The following SH2D4A variants were observed in gnomAD, a reference collection of about 807,000 sequenced individuals.
The protein encoded by SH2D4A is SH2 domain-containing protein 4A.
SH2D4A carries 70 observed loss-of-function variants against 64.7 expected under a neutral mutation model. The ratio of observed to expected loss-of-function variants is 1.08; its 90% CI spans 0.89 to 1.32. SH2D4A has a LOEUF of 1.32. Among genes scored for constraint, SH2D4A ranks in the 40% most tolerant of loss-of-function variants. The pLI is 0.00. For synonymous variants in SH2D4A, 268 were observed against 200.7 expected (o/e 1.34, Z -2.83); for missense variants, 706 against 540.1 (o/e 1.31, Z -3.04).
At chr8:19,367,897 G>T (rs1266789579) in intron 7 of SH2D4A, among the ~76,000 whole-genome samples, 4 of 152,086 alleles carry the variant, frequency 2.6e-5, no homozygotes, top group Non-Finnish European at 5.9e-5. Context: ...GCAACATAGG[G>T]AGACAGTCAT....
At chr8:19,389,320 T>C (rs2053445345) in intron 8 of SH2D4A, among the ~76,000 whole-genome samples, 1 of 152,112 alleles carries the variant, frequency 6.6e-6, no homozygotes, top group South Asian at 2.1e-4. Flanking sequence ...GCAAAATGTT[T>C]ATTCTAGAGA....
At chr8:19,316,444 G>C (rs1179514070) in intron 1 of SH2D4A, among the ~76,000 whole-genome samples, 1 of 152,182 alleles carries the variant, frequency 6.6e-6, no homozygotes, top group Non-Finnish European at 1.5e-5. Flanking sequence ...TAGAGACGAA[G>C]TGGATGACTA....
Position 19,361,285 on chromosome 8 carries a change from G to A in SH2D4A, c.677G>A (p.Trp226Ter). The change falls in exon 6 of 10, where the codon TGG (tryptophan) becomes TAG (stop). Residue 226 changes from tryptophan to a stop codon, truncating the protein, a stop_gained. Coordinates refer to ENST00000265807, the MANE Select transcript of SH2D4A (RefSeq NM_022071.4). LOFTEE classifies it high-confidence loss of function. ...AGAACGAAGCAGATTTGTAAGAGCT[G>A]GAAAGAAGACTCGGAATGGCAGGCA... Reference protein sequence around the residue: ...EERTKQICKSWKEDSEWQASL... With the variant: ...EERTKQICKS 1.9e-6 allele frequency: 3 copies of A among 1,611,990 alleles called. No homozygotes were observed. The highest frequency in any genetic ancestry group is 1.3e-5 in the African/African-American group (1 of 74,780).
chr8:19,360,304 T>A (rs1199961933), intron 5 of SH2D4A, among the ~76,000 whole-genome samples: 3 of 151,836 alleles, frequency 2.0e-5, no homozygotes, highest in South Asian at 4.1e-4. Context: ...TGTTTTTTTT[T>A]TTTTTTGAAA....
intron 7 of SH2D4A, among the ~76,000 whole-genome samples, chr8:19,368,054 G>C (rs978953226): frequency 1.3e-5 from 2 of 152,074 alleles, no homozygotes; most frequent in South Asian, 2.1e-4. Context: ...GCAAGAGTAG[G>C]TAGTTTCATT....
intron 2 of SH2D4A, among the ~76,000 whole-genome samples, chr8:19,331,329 C>T (rs939207241): frequency 3.9e-5 from 6 of 152,184 alleles, no homozygotes; most frequent in African/African-American, 1.4e-4. Flanking sequence ...AAACAGGGCC[C>T]AGCACACACA....
chr8:19,317,453 T>C (rs2052108723), intron 1 of SH2D4A, among the ~76,000 whole-genome samples: 1 of 151,992 alleles, frequency 6.6e-6, no homozygotes, highest in East Asian at 1.9e-4. Context: ...ATTTGGATTC[T>C]GGTAGTTGAA....
Position 19,336,914 on chromosome 8 carries a change from C to A in SH2D4A, c.513+2057C>A, listed in dbSNP as rs2139759. On this transcript the variant is annotated intron_variant, in intron 4 of 9. Transcript: ENST00000265807. ...TATGCTTATATTTGTGCTTGAATTA[C>A]AGTACTTTTTTAGACCTTTTTTTTT... Among the ~76,000 whole-genome samples the A allele has an allele frequency of 7.5e-4, 114 of 151,854 alleles. 1 individual carries two copies. Among genetic ancestry groups the A allele is most frequent in the Non-Finnish European group, 1.2e-3 (84 of 67,990 alleles).
intron 4 of SH2D4A, among the ~76,000 whole-genome samples, chr8:19,341,687 A>T (rs2052531324): frequency 6.6e-6 from 1 of 152,048 alleles, no homozygotes; most frequent in East Asian, 1.9e-4. Flanking sequence ...TATAAAAAAC[A>T]CAAAAATTAG....
intron 4 of SH2D4A, among the ~76,000 whole-genome samples, chr8:19,353,453 C>T (rs1224056228): frequency 6.6e-6 from 1 of 150,564 alleles, no homozygotes; most frequent in Non-Finnish European, 1.5e-5. Context: ...ACTGCATCCT[C>T]TGCCTCCTGG....
intron 4 of SH2D4A, among the ~76,000 whole-genome samples, chr8:19,340,831 C>T (rs745779424): frequency 1.3e-5 from 2 of 152,028 alleles, no homozygotes; most frequent in Middle Eastern, 3.4e-3. Flanking sequence ...CTCCTGGGCT[C>T]GAGTGATCCT....
At chr8:19,372,566 C>T (rs578162236) in intron 7 of SH2D4A, among the ~76,000 whole-genome samples, 6 of 152,268 alleles carry the variant, frequency 3.9e-5, no homozygotes, top group African/African-American at 7.2e-5. Context: ...CTCAGATAGA[C>T]GCTTGTCTCC....
intron 7 of SH2D4A, among the ~76,000 whole-genome samples, chr8:19,370,253 A>T (rs9987252): frequency 2.0e-5 from 3 of 152,052 alleles, no homozygotes; most frequent in African/African-American, 7.2e-5. Flanking sequence ...AGAATAGTCT[A>T]TAATTGTCTG....
intron 7 of SH2D4A, among the ~76,000 whole-genome samples, chr8:19,372,107 TGCACATTTAAGGATTAG>T (rs2053111442): frequency 6.6e-6 from 1 of 152,228 alleles, no homozygotes; most frequent in Non-Finnish European, 1.5e-5. Flanking sequence ...TGACAATATC[TGCACATTTAAGGATTAG>T]GCTTTTATTC....
intron 8 of SH2D4A, among the ~76,000 whole-genome samples, chr8:19,381,856 T>C (rs1260554634): frequency 6.6e-6 from 1 of 152,178 alleles, no homozygotes; most frequent in Admixed American, 6.6e-5. Context: ...TGATAGGGTA[T>C]TGCATGTTGT....
At chr8:19,338,645 G>T (rs531562742) in intron 4 of SH2D4A, among the ~76,000 whole-genome samples, 92 of 152,316 alleles carry the variant, frequency 6.0e-4, no homozygotes, top group African/African-American at 2.0e-3. Context: ...GCTTCTAGAA[G>T]TTGGAAGAGG....
In SH2D4A at chr8:19,395,830, T is replaced by C. The variant is rs1336383161; in HGVS notation, c.*1188T>C. On this transcript the variant is annotated 3_prime_UTR_variant, in exon 10 of 10. Coordinates refer to ENST00000265807, the MANE Select transcript of SH2D4A (RefSeq NM_022071.4). ...AGCTGCTTAGTTCATGCTGAGTTCA[T>C]GCTGACTTGTTACTATAGCCCCAGA... 8 of 152,218 alleles carry C rather than the reference T, an allele frequency of 5.3e-5. 1 individual carries two copies. Among genetic ancestry groups the C allele is most frequent in the African/African-American group, 1.9e-4 (8 of 41,430 alleles). The allele number at this position is 152,218 out of a possible 1,614,324, so 9.4% of individuals were successfully genotyped here.
intron 7 of SH2D4A, among the ~76,000 whole-genome samples, chr8:19,370,838 TTTCTC>T (rs1236327817): frequency 6.6e-6 from 1 of 152,122 alleles, no homozygotes; most frequent in Non-Finnish European, 1.5e-5. Context: ...GTTAGGCACT[TTTCTC>T]TAGTAGTACA....
intron 5 of SH2D4A, among the ~76,000 whole-genome samples, chr8:19,359,458 A>T (rs2052844622): frequency 6.6e-6 from 1 of 152,210 alleles, no homozygotes; most frequent in Non-Finnish European, 1.5e-5. Flanking sequence ...TATGTTTCCT[A>T]ACCGTTTAAA....
Sources: allele counts gnomAD v4.1 joint callset (sites outside exome capture counted in the v4.1 genomes callset), GRCh38; gene constraint gnomAD v4.1.1; transcripts MANE v1.5; gene names NCBI Gene and HGNC (gene_info 2026-07-23, HGNC 2026-07-21).